Variants in TNFSF10 observed in about 807,000 individuals in gnomAD.
TNFSF10 encodes the protein tumor necrosis factor ligand superfamily member 10.
Under a neutral mutation model 29.5 loss-of-function variants are expected in TNFSF10, and 13 were observed. That is an observed-to-expected ratio of 0.44 (90% CI 0.29 to 0.70). The LOEUF (loss-of-function observed/expected upper bound fraction) is 0.70. TNFSF10 is among the 30% of genes least tolerant of loss of function. TNFSF10 has a pLI of 0.13. For missense variants in TNFSF10, 345 were observed against 330.9 expected (o/e 1.04, Z -0.33); for synonymous variants, 111 against 112.8 (o/e 0.98, Z 0.10).
chr3:172,512,063 T>A (rs987670868), intron 2 of TNFSF10, among the ~76,000 whole-genome samples: 2 of 152,144 alleles, frequency 1.3e-5, no homozygotes, highest in African/African-American at 4.8e-5. Context: ...TGTGTGTGTA[T>A]AAGTGCACTG....
chr3:172,508,765 T>G (rs1443799464), intron 4 of TNFSF10, among the ~76,000 whole-genome samples: 1 of 152,090 alleles, frequency 6.6e-6, no homozygotes, highest in Non-Finnish European at 1.5e-5. Context: ...GCTGCGTGCC[T>G]GTAATCCCAG....
chr3:172,522,974 A>T (rs1450994416), intron 1 of TNFSF10, among the ~76,000 whole-genome samples: 1 of 152,246 alleles, frequency 6.6e-6, no homozygotes, highest in Non-Finnish European at 1.5e-5. Flanking sequence ...ATTATAAAAT[A>T]CACATACTTT....
intron 1 of TNFSF10, 83 bp downstream of exon 1, chr3:172,523,170 A>G: frequency 1.4e-6 from 2 of 1,461,998 alleles, no homozygotes; most frequent in Non-Finnish European, 1.8e-6. Context: ...GTCTTCAGAG[A>G]GGGGCAAGCT....
At chr3:172,508,847 C>T (rs1486561216) in intron 4 of TNFSF10, among the ~76,000 whole-genome samples, 5 of 151,440 alleles carry the variant, frequency 3.3e-5, no homozygotes. Flanking sequence ...CGAGATGGTG[C>T]CATTGCACTC....
chr3:172,515,812 G>A (rs942376050), intron 1 of TNFSF10, among the ~76,000 whole-genome samples: 4 of 151,960 alleles, frequency 2.6e-5, no homozygotes, highest in Non-Finnish European at 4.4e-5. Flanking sequence ...GAACTCTTTA[G>A]GCTGATAATT....
In TNFSF10 at chr3:172,506,842, T is replaced by G. The variant is rs1713007056; in HGVS notation, c.496A>C (p.Asn166His). Reference sequence around the variant, plus strand: ...AGTTCACCATTCCTCAAGTGCAAGTTGCTCAGGAATGAATGCCCACTCCTT... The same window carrying G: ...AGTTCACCATTCCTCAAGTGCAAGTGGCTCAGGAATGAATGCCCACTCCTT... ...SSRSGHSFLS[N>H]LHLRNGELVI... The change falls in exon 5 of 5, where the codon AAC becomes CAC. Residue 166 changes from asparagine (N) to histidine (H), a missense_variant. Physicochemically the swap from Asn to His is moderately conservative, Grantham distance 68. Transcript: ENST00000241261. 4 of 1,614,226 alleles carry G rather than the reference T, an allele frequency of 2.5e-6. No individual in the cohort carries two copies. The highest frequency in any genetic ancestry group is 1.7e-6 in the Non-Finnish European group (2 of 1,180,048).
intron 2 of TNFSF10, 47 bp from the exon 3 acceptor site, chr3:172,511,706 A>C (rs1286945398): frequency 6.5e-7 from 1 of 1,535,504 alleles, no homozygotes; most frequent in Non-Finnish European, 8.9e-7. Context: ...TAAAAATTTA[A>C]ACTGACTATA....
At position 172,506,873 on chromosome 3, in the gene TNFSF10, T is replaced by C. The variant is rs1387683683; in HGVS notation, c.465A>G (p.Glu155=). The C allele has an allele frequency of 3.7e-6, 6 of 1,613,718 alleles. No individual in the cohort carries two copies. Among genetic ancestry groups the C allele is most frequent in the South Asian group, 2.2e-5 (2 of 90,944 alleles). The change falls in exon 5 of 5, where the codon GAA becomes GAG. Residue 155 remains glutamate (E), a synonymous_variant. Coordinates refer to ENST00000241261, the MANE Select transcript of TNFSF10 (RefSeq NM_003810.4). ...GGAATGAATGCCCACTCCTTGATGA[T>C]TCCCAGGAGTTTATTTTGCGGCCCA... The part of the protein sequence containing the change: ...KALGRKINSW[E]SSRSGHSFLS...
intron 1 of TNFSF10, among the ~76,000 whole-genome samples, chr3:172,521,624 G>T (rs1221250422): frequency 6.6e-6 from 1 of 152,174 alleles, no homozygotes; most frequent in Non-Finnish European, 1.5e-5. Context: ...AGTTCAACCA[G>T]TGTGGAAGAC....
intron 4 of TNFSF10, among the ~76,000 whole-genome samples, chr3:172,507,124 C>T (rs1428294149): frequency 1.3e-5 from 2 of 152,160 alleles, no homozygotes; most frequent in East Asian, 3.9e-4. Context: ...ATCATTGTGA[C>T]ATTGGGAACT....
intron 1 of TNFSF10, chr3:172,522,202 G>A: frequency 4.8e-6 from 2 of 415,142 alleles, no homozygotes; most frequent in South Asian, 2.3e-5. Flanking sequence ...AGAACTTAAA[G>A]TAAAATAAAA....
chr3:172,518,040 G>T, intron 1 of TNFSF10: 1 of 993,076 alleles, frequency 1.0e-6, no homozygotes, highest in Non-Finnish European at 1.2e-6. Context: ...AGGTGCTGTG[G>T]TTATTCCAAG....
intron 1 of TNFSF10, 124 bp downstream of exon 1, chr3:172,523,129 G>C: frequency 8.2e-7 from 1 of 1,216,864 alleles, no homozygotes; most frequent in Non-Finnish European, 1.1e-6. Flanking sequence ...TTAGCAGTTA[G>C]AGTGTACCCA....
intron 1 of TNFSF10, chr3:172,517,248 G>T (rs1284372729): frequency 1.2e-6 from 1 of 805,548 alleles, no homozygotes; most frequent in Middle Eastern, 6.4e-4. Context: ...GATGGTCGTG[G>T]TGGAGCTTGT....
intron 1 of TNFSF10, chr3:172,522,449 A>C: frequency 6.8e-7 from 1 of 1,467,698 alleles, no homozygotes; most frequent in Non-Finnish European, 9.5e-7. Flanking sequence ...AAATTTTATC[A>C]TTCACCACTT....
chr3:172,516,542 G>A (rs1454713908), intron 1 of TNFSF10, among the ~76,000 whole-genome samples: 1 of 152,206 alleles, frequency 6.6e-6, no homozygotes, highest in East Asian at 1.9e-4. Flanking sequence ...GCAAACTTGA[G>A]TTAATAAATT....
At chr3:172,521,116 G>T (rs1713672134) in intron 1 of TNFSF10, among the ~76,000 whole-genome samples, 1 of 152,024 alleles carries the variant, frequency 6.6e-6, no homozygotes, top group East Asian at 1.9e-4. Context: ...GAAAACCTAG[G>T]CATACCATTC....
chr3:172,506,253 A>T lies in TNFSF10; in HGVS notation c.*239T>A. 1 of 457,374 alleles carries T rather than the reference A, an allele frequency of 2.2e-6. No individual in the cohort carries two copies. The highest frequency in any genetic ancestry group is 3.9e-6 in the Non-Finnish European group (1 of 258,814). 28.3% of individuals were successfully genotyped at this position (457,374 alleles called of 1,614,324 possible). On this transcript the variant is annotated 3_prime_UTR_variant, in exon 5 of 5. Coordinates refer to ENST00000241261, the MANE Select transcript of TNFSF10 (RefSeq NM_003810.4). ...TTCTGCTAGCAAACTGATATGAGGT[A>T]GAGTCCTGAAAGATCTTTCAGCAAT...
intron 3 of TNFSF10, among the ~76,000 whole-genome samples, chr3:172,509,829 A>G (rs1056739077): frequency 6.6e-6 from 1 of 152,200 alleles, no homozygotes; most frequent in African/African-American, 2.4e-5. Context: ...ATACAAAAAA[A>G]TTAGCTGGGC....
Sources: allele counts gnomAD v4.1 joint callset (sites outside exome capture counted in the v4.1 genomes callset), GRCh38; gene constraint gnomAD v4.1.1; transcripts MANE v1.5; gene names NCBI Gene and HGNC (gene_info 2026-07-23, HGNC 2026-07-21).